Variants in PIP5K1C observed in about 807,000 individuals in gnomAD.
PIP5K1C encodes phosphatidylinositol 4-phosphate 5-kinase type-1 gamma.
In PIP5K1C, 45 loss-of-function variants were observed where a neutral mutation model predicts 80.1. The observed-to-expected ratio is 0.56, with a 90% CI of 0.44 to 0.72. PIP5K1C has a LOEUF of 0.72. PIP5K1C is among the 30% of genes least tolerant of loss of function. The probability of loss-of-function intolerance (pLI) is 0.00; values close to 1 mark genes in which losing one functional copy is unlikely to be tolerated. For synonymous variants in PIP5K1C, 498 were observed against 420.1 expected (o/e 1.19, Z -2.27); for missense variants, 753 against 954.6 (o/e 0.79, Z 2.78).
chr19:3,672,774 G>A (rs1447242206), intron 1 of PIP5K1C, among the ~76,000 whole-genome samples: 1 of 152,172 alleles, frequency 6.6e-6, no homozygotes, highest in Non-Finnish European at 1.5e-5. Flanking sequence ...CTCAGCCCCT[G>A]TGGGCACCTG....
At chr19:3,682,101 C>T (rs1018594189) in intron 1 of PIP5K1C, among the ~76,000 whole-genome samples, 3 of 152,128 alleles carry the variant, frequency 2.0e-5, no homozygotes, top group African/African-American at 7.2e-5. Context: ...GGGCCAGGCA[C>T]AGTGGCTCAC....
intron 5 of PIP5K1C, among the ~76,000 whole-genome samples, chr19:3,658,780 T>C (rs1213511949): frequency 6.6e-6 from 1 of 152,196 alleles, no homozygotes; most frequent in Non-Finnish European, 1.5e-5. Context: ...AGAACACCGA[T>C]GACAGGGAAA....
At chr19:3,685,755 A>C (rs573843100) in intron 1 of PIP5K1C, among the ~76,000 whole-genome samples, 1 of 151,862 alleles carries the variant, frequency 6.6e-6, no homozygotes, top group Non-Finnish European at 1.5e-5. Context: ...GTTTTATTGG[A>C]ACATGGCCAC....
intron 1 of PIP5K1C, among the ~76,000 whole-genome samples, chr19:3,683,647 G>A (rs1424607395): frequency 6.6e-6 from 1 of 152,184 alleles, no homozygotes; most frequent in African/African-American, 2.4e-5. Flanking sequence ...AGGGGTGGAC[G>A]CACCTGATTC....
chr19:3,697,543 C>T (rs995512229), intron 1 of PIP5K1C, among the ~76,000 whole-genome samples: 5 of 152,100 alleles, frequency 3.3e-5, no homozygotes, highest in African/African-American at 9.7e-5. Flanking sequence ...AAGCTGGACC[C>T]GGGAGAGGCA....
At chr19:3,655,901 A>G (rs1302584624) in intron 6 of PIP5K1C, among the ~76,000 whole-genome samples, 1 of 151,926 alleles carries the variant, frequency 6.6e-6, no homozygotes, top group Non-Finnish European at 1.5e-5. Flanking sequence ...GGCCTGACGC[A>G]CCCTTTCTGT....
chr19:3,646,141 G>A (rs551216303), intron 10 of PIP5K1C, 83 bp from the exon 11 acceptor site: 236 of 824,110 alleles, frequency 2.9e-4, no homozygotes, highest in Non-Finnish European at 4.5e-4. Flanking sequence ...GACGCTGTAT[G>A]TGTGTGGGGG....
intron 1 of PIP5K1C, among the ~76,000 whole-genome samples, chr19:3,676,572 G>A (rs966644316): frequency 2.6e-5 from 4 of 152,222 alleles, no homozygotes; most frequent in African/African-American, 7.2e-5. Flanking sequence ...CCGACGGCGC[G>A]TGGCCAGGAG....
chr19:3,676,658 G>A (rs973895262), intron 1 of PIP5K1C, among the ~76,000 whole-genome samples: 3 of 152,156 alleles, frequency 2.0e-5, no homozygotes, highest in Non-Finnish European at 2.9e-5. Flanking sequence ...GGGGATTTGG[G>A]GAAATTTAGG....
chr19:3,643,057 TATGCTCCTCCCTCCCACACATTGG>T lies in PIP5K1C; in HGVS notation c.1650-142_1650-119del, dbSNP rs1194314099. ...CCTGGCAGCCCTGCCCACCTGTACA[TATGCTCCTCCCTCCCACACATTGG>T]ATGCTCCGCCCCCGCGCACCCACAT... On this transcript the variant is annotated intron_variant, in intron 13 of 17. Transcript: ENST00000335312. The T allele has an allele frequency of 2.7e-6, 4 of 1,456,600 alleles. No homozygotes were observed. The East Asian group carries it at 9.1e-5, about 33-fold the overall frequency. The allele number at this position is 1,456,600 out of a possible 1,614,324, so 90.2% of individuals were successfully genotyped here. A position where few individuals can be genotyped will look rare whatever the true frequency, so the allele number is the denominator to read the frequency against.
intron 1 of PIP5K1C, among the ~76,000 whole-genome samples, chr19:3,667,763 A>G (rs2035061937): frequency 6.6e-6 from 1 of 152,234 alleles, no homozygotes. Context: ...GGTTCTGGGC[A>G]GTCAACAACT....
intron 1 of PIP5K1C, among the ~76,000 whole-genome samples, chr19:3,677,582 C>CA (rs369566328): frequency 8.8e-5 from 13 of 147,908 alleles, no homozygotes; most frequent in Admixed American, 4.0e-4. Flanking sequence ...GACTCCCTCT[C>CA]AAAAAAAAAG....
intron 6 of PIP5K1C, 109 bp downstream of exon 6, chr19:3,656,296 C>T: frequency 7.8e-7 from 1 of 1,281,742 alleles, no homozygotes; most frequent in Non-Finnish European, 1.1e-6. Flanking sequence ...TGCCTCTCAC[C>T]ACGCCCCAAG....
intron 4 of PIP5K1C, 75 bp from the exon 5 acceptor site, chr19:3,661,158 T>C: frequency 1.0e-6 from 1 of 971,880 alleles, no homozygotes. Flanking sequence ...TGGTCCCTCC[T>C]AGTGCCTCTA....
intron 1 of PIP5K1C, chr19:3,674,405 G>A (rs1451251799): frequency 2.0e-5 from 3 of 152,154 alleles, no homozygotes; most frequent in Middle Eastern, 3.1e-3. Context: ...AGCCTCCCCC[G>A]AGTAGCTGCA....
chr19:3,653,276 G>GGCCGA lies in PIP5K1C; in HGVS notation c.921+9_921+13dup, dbSNP rs2034514059. 6.2e-7 allele frequency: 1 copy of GGCCGA among 1,602,056 alleles called. No homozygotes were observed. Among genetic ancestry groups the GGCCGA allele is most frequent in the Admixed American group, 1.7e-5 (1 of 59,958 alleles). The stretch of plus-strand genomic sequence containing the variant: ...CCTGCCACCCTCCCTCCCCGGCCGG[G>GGCCGA]GCCGAGCCCTCACCAGGCAGTCCCG... On this transcript the variant is annotated intron_variant, in intron 7 of 17. Coordinates refer to ENST00000335312, the MANE Select transcript of PIP5K1C (RefSeq NM_012398.3).
chr19:3,658,154 G>A (rs998985634), intron 5 of PIP5K1C, among the ~76,000 whole-genome samples: 11 of 152,194 alleles, frequency 7.2e-5, no homozygotes, highest in African/African-American at 1.7e-4. Context: ...TGCACTGCCC[G>A]AGGTGCTCTC....
At chr19:3,650,589 C>T (rs1322426593) in intron 8 of PIP5K1C, among the ~76,000 whole-genome samples, 2 of 152,258 alleles carry the variant, frequency 1.3e-5, no homozygotes, top group African/African-American at 4.8e-5. Flanking sequence ...CCAGCCCTCA[C>T]ATCCAGTGTC....
intron 1 of PIP5K1C, 63 bp downstream of exon 1, chr19:3,700,234 C>T: frequency 2.1e-6 from 2 of 970,718 alleles, no homozygotes; most frequent in Non-Finnish European, 2.5e-6. Context: ...GCCCCGCAGC[C>T]CCGCGACTCT....
Sources: gnomAD v4.1 joint callset for allele counts (sites outside exome capture counted in the v4.1 genomes callset) on GRCh38, gnomAD v4.1.1 for gene constraint, MANE v1.5 for transcripts, NCBI Gene and HGNC (gene_info 2026-07-23, HGNC 2026-07-21) for gene names.